CYP39A1: variants seen among roughly 807,000 people sequenced by gnomAD.
The protein encoded by CYP39A1 is 24-hydroxycholesterol 7-alpha-hydroxylase.
Under a neutral mutation model 58.1 loss-of-function variants are expected in CYP39A1, and 49 were observed. The observed-to-expected ratio is 0.84, with a 90% confidence interval of 0.67 to 1.07. CYP39A1 has a LOEUF of 1.07. CYP39A1 is among the 50% of genes least tolerant of loss of function. The pLI is 0.00. For missense variants in CYP39A1, 531 were observed against 539.4 expected (o/e 0.98, Z 0.16); for synonymous variants, 209 against 187.6 (o/e 1.11, Z -0.93).
At chr6:46,618,763 T>C (rs1774771390) in intron 7 of CYP39A1, among the ~76,000 whole-genome samples, 1 of 152,094 alleles carries the variant, frequency 6.6e-6, no homozygotes, top group African/African-American at 2.4e-5. Flanking sequence ...ATTTCTTAAA[T>C]GTATAACATC....
chr6:46,571,922 G>T (rs1771605261), intron 10 of CYP39A1, among the ~76,000 whole-genome samples: 1 of 151,862 alleles, frequency 6.6e-6, no homozygotes, highest in Non-Finnish European at 1.5e-5. Flanking sequence ...TGGTCACTAT[G>T]AGTCTTACAG....
intron 6 of CYP39A1, among the ~76,000 whole-genome samples, chr6:46,626,339 A>AT (rs1775307235): frequency 6.6e-6 from 1 of 152,044 alleles, no homozygotes. Flanking sequence ...TTTCACTTTC[A>AT]TTTTTTTCTA....
intron 10 of CYP39A1, among the ~76,000 whole-genome samples, chr6:46,569,698 C>G (rs7744831): frequency 0.2 from 30,420 of 151,948 alleles, 3,157 homozygotes; most frequent in African/African-American, 0.21. Flanking sequence ...GTTGGACCAC[C>G]CTTGCATCCA....
intron 1 of CYP39A1, among the ~76,000 whole-genome samples, chr6:46,650,992 G>A (rs1006364163): frequency 1.3e-5 from 2 of 152,164 alleles, no homozygotes; most frequent in Non-Finnish European, 2.9e-5. Context: ...TATCAGACTA[G>A]CAAAAATTGC....
chr6:46,585,784 C>T (rs1035649362), intron 10 of CYP39A1, among the ~76,000 whole-genome samples: 5 of 152,096 alleles, frequency 3.3e-5, no homozygotes, highest in African/African-American at 1.2e-4. Flanking sequence ...AATAATATTA[C>T]TGAGATTCCA....
At chr6:46,555,050 G>C (rs1454073678) in intron 10 of CYP39A1, among the ~76,000 whole-genome samples, 1 of 148,386 alleles carries the variant, frequency 6.7e-6, no homozygotes, top group East Asian at 2.0e-4. Flanking sequence ...CGCAGACACA[G>C]ACACACACAC....
chr6:46,610,199 G>T (rs974362288), intron 7 of CYP39A1, among the ~76,000 whole-genome samples: 12 of 152,118 alleles, frequency 7.9e-5, no homozygotes, highest in Non-Finnish European at 1.6e-4. Context: ...GATTTTTATT[G>T]GTAAAAGATA....
At chr6:46,628,095 G>T (rs1775430853) in intron 6 of CYP39A1, among the ~76,000 whole-genome samples, 2 of 152,178 alleles carry the variant, frequency 1.3e-5, no homozygotes, top group African/African-American at 4.8e-5. Flanking sequence ...TATCTTTGCT[G>T]TGTCAAAGAG....
At chr6:46,632,609 C>T (rs539493021) in intron 5 of CYP39A1, among the ~76,000 whole-genome samples, 2 of 152,234 alleles carry the variant, frequency 1.3e-5, no homozygotes, top group South Asian at 2.1e-4. Flanking sequence ...TCCTCTCCCC[C>T]CTCCCAATCT....
At chr6:46,554,545 AT>A (rs1157014213) in intron 10 of CYP39A1, among the ~76,000 whole-genome samples, 1 of 152,236 alleles carries the variant, frequency 6.6e-6, no homozygotes, top group East Asian at 1.9e-4. Flanking sequence ...ATACTCATTT[AT>A]TTTAAATTAT....
chr6:46,562,431 C>T (rs1045092506), intron 10 of CYP39A1, among the ~76,000 whole-genome samples: 1 of 151,956 alleles, frequency 6.6e-6, no homozygotes, highest in Non-Finnish European at 1.5e-5. Flanking sequence ...ATATTCAAAG[C>T]ATCATATAGT....
chr6:46,598,930 C>T (rs1048243597), intron 7 of CYP39A1, among the ~76,000 whole-genome samples: 4 of 152,046 alleles, frequency 2.6e-5, no homozygotes, highest in East Asian at 1.9e-4. Context: ...TTATTATTAC[C>T]GTTACTATTA....
chr6:46,642,311 A>G lies in CYP39A1; in HGVS notation c.178-13T>C, dbSNP rs1776390298. 6.2e-7 allele frequency: 1 copy of G among 1,607,714 alleles called. No homozygotes were observed. The highest frequency in any genetic ancestry group is 8.5e-7 in the Non-Finnish European group (1 of 1,177,240). The stretch of plus-strand genomic sequence containing the variant: ...ATATTGGTCCATACTGAAATAAAAC[A>G]AACATAGATTATATTAGTAAGCATT... On this transcript the variant is annotated splice_polypyrimidine_tract_variant and intron_variant, in intron 1 of 11. Coordinates refer to ENST00000275016, the MANE Select transcript of CYP39A1 (RefSeq NM_016593.5).
At chr6:46,591,089 G>A (rs1772805194) in intron 8 of CYP39A1, among the ~76,000 whole-genome samples, 1 of 151,968 alleles carries the variant, frequency 6.6e-6, no homozygotes. Flanking sequence ...CTCAAATTTT[G>A]TAGCAAAATA....
chr6:46,563,405 CACA>C (rs1771086929), intron 10 of CYP39A1, among the ~76,000 whole-genome samples: 2 of 152,146 alleles, frequency 1.3e-5, no homozygotes, highest in African/African-American at 4.8e-5. Context: ...AACAACATTA[CACA>C]TCTACTAATA....
intron 5 of CYP39A1, among the ~76,000 whole-genome samples, chr6:46,631,918 G>GT (rs1775689241): frequency 1.3e-5 from 2 of 152,158 alleles, no homozygotes; most frequent in South Asian, 4.1e-4. Flanking sequence ...TTCAGACACT[G>GT]TAACATTTTC....
intron 10 of CYP39A1, among the ~76,000 whole-genome samples, chr6:46,554,714 T>C (rs1770581475): frequency 6.6e-6 from 1 of 152,156 alleles, no homozygotes; most frequent in Admixed American, 6.5e-5. Context: ...TTAGGAAGCA[T>C]AGCCCTTAAT....
intron 10 of CYP39A1, among the ~76,000 whole-genome samples, chr6:46,577,156 A>T (rs2150499701): frequency 6.6e-6 from 1 of 152,314 alleles, no homozygotes; most frequent in East Asian, 1.9e-4. Flanking sequence ...AATTCTAACC[A>T]AGGACTTCAT....
intron 10 of CYP39A1, among the ~76,000 whole-genome samples, chr6:46,565,262 A>C (rs1023987923): frequency 2.0e-5 from 3 of 152,192 alleles, no homozygotes. Flanking sequence ...AGTTTGCCAA[A>C]CCTTTTAATT....
Sources: gnomAD v4.1 joint callset for allele counts (sites outside exome capture counted in the v4.1 genomes callset) on GRCh38, gnomAD v4.1.1 for gene constraint, MANE v1.5 for transcripts, NCBI Gene and HGNC (gene_info 2026-07-23, HGNC 2026-07-21) for gene names.